The following TAF4B variants were observed in gnomAD, a reference collection of about 807,000 sequenced individuals.
TAF4B encodes transcription initiation factor TFIID subunit 4B.
A neutral mutation model predicts 86.4 loss-of-function variants in TAF4B; 38 were observed. That is an observed-to-expected ratio of 0.44 (90% CI 0.34 to 0.58). The LOEUF (loss-of-function observed/expected upper bound fraction) is 0.58. Ranked by LOEUF, TAF4B falls within the 20% of genes least tolerant of loss-of-function variation. The pLI, the probability that TAF4B is intolerant of heterozygous loss-of-function variation, is 0.02. For synonymous variants in TAF4B, 388 were observed against 391.2 expected (o/e 0.99, Z 0.10); for missense variants, 988 against 1,027.6 (o/e 0.96, Z 0.53).
At chr18:26,273,442 TG>T (rs1310433686) in intron 3 of TAF4B, among the ~76,000 whole-genome samples, 1 of 152,128 alleles carries the variant, frequency 6.6e-6, no homozygotes, top group Admixed American at 6.6e-5. Context: ...TGTCTGCTGT[TG>T]AAAAAAATAA....
At chr18:26,236,976 G>A (rs1175659362) in intron 1 of TAF4B, among the ~76,000 whole-genome samples, 3 of 152,146 alleles carry the variant, frequency 2.0e-5, no homozygotes, top group Non-Finnish European at 4.4e-5. Flanking sequence ...CTGGAGCAAG[G>A]CAGTAAGATT....
chr18:26,282,813 A>G (rs1004845527), intron 6 of TAF4B, among the ~76,000 whole-genome samples: 2 of 152,210 alleles, frequency 1.3e-5, no homozygotes, highest in Non-Finnish European at 2.9e-5. Flanking sequence ...TTTGTTAACT[A>G]GTTGTTGTCA....
In TAF4B at chr18:26,267,511, C is replaced by G. The variant is rs547376338; in HGVS notation, c.490-5C>G. ...TGTGTTATCTTGCTCCCCTCCACCGCCAAGAACTCTAGCTCACAATTAATC... is the reference window on the plus strand; with the variant it reads ...TGTGTTATCTTGCTCCCCTCCACCGGCAAGAACTCTAGCTCACAATTAATC... On this transcript the variant is annotated splice_region_variant and splice_polypyrimidine_tract_variant and intron_variant, in intron 2 of 14. Transcript: ENST00000269142. 3.0e-5 allele frequency: 48 copies of G among 1,611,722 alleles called. No homozygotes were observed. The South Asian group carries it at 5.1e-4, about 17-fold the overall frequency.
chr18:26,360,996 A>G (rs73946382), intron 14 of TAF4B, among the ~76,000 whole-genome samples: 2,128 of 152,252 alleles, frequency 0.014, 61 homozygotes, highest in African/African-American at 0.048. Context: ...AGTGGCCACT[A>G]TATTGGGCAG....
chr18:26,302,702 T>C (rs1470171512), intron 9 of TAF4B, among the ~76,000 whole-genome samples: 1 of 151,936 alleles, frequency 6.6e-6, no homozygotes, highest in Non-Finnish European at 1.5e-5. Context: ...TAAAATTTGG[T>C]TTTTGTTTTT....
intron 1 of TAF4B, among the ~76,000 whole-genome samples, chr18:26,260,080 T>G (rs1474255367): frequency 2.6e-5 from 4 of 152,184 alleles, no homozygotes; most frequent in Admixed American, 1.3e-4. Flanking sequence ...CATAAATGTC[T>G]TCTTTTGAGA....
chr18:26,364,185 A>G (rs2057352409), intron 14 of TAF4B, among the ~76,000 whole-genome samples: 1 of 152,176 alleles, frequency 6.6e-6, no homozygotes, highest in Non-Finnish European at 1.5e-5. Flanking sequence ...GAATAGCATC[A>G]GCTGCTATCT....
intron 13 of TAF4B, among the ~76,000 whole-genome samples, chr18:26,349,673 G>C (rs922588818): frequency 6.6e-6 from 1 of 152,094 alleles, no homozygotes; most frequent in Non-Finnish European, 1.5e-5. Context: ...AAAATACCAA[G>C]GACATTCTTC....
intron 1 of TAF4B, among the ~76,000 whole-genome samples, chr18:26,240,979 G>A (rs531581732): frequency 3.4e-4 from 52 of 152,244 alleles, no homozygotes; most frequent in African/African-American, 9.6e-4. Flanking sequence ...TGCTGGATTC[G>A]GTTTGCCAGT....
chr18:26,349,535 T>G lies in TAF4B; in HGVS notation c.2317-8155T>G, dbSNP rs988053704. Among the ~76,000 whole-genome samples the G allele has an allele frequency of 4.6e-5, 7 of 152,174 alleles. No individual in the cohort carries two copies. In the South Asian group the frequency reaches 1.5e-3, roughly 32 times the overall value. ...CTCTGCAAGGAAAATTATAAAACGCTAATGAAAGAAACTGAAGAAGATACA... is the reference window on the plus strand; with the variant it reads ...CTCTGCAAGGAAAATTATAAAACGCGAATGAAAGAAACTGAAGAAGATACA... On this transcript the variant is annotated intron_variant, in intron 13 of 14. Transcript: ENST00000269142.
At chr18:26,336,943 G>A (rs929168451) in intron 13 of TAF4B, among the ~76,000 whole-genome samples, 1 of 152,012 alleles carries the variant, frequency 6.6e-6, no homozygotes, top group Non-Finnish European at 1.5e-5. Context: ...TTTTATTTTA[G>A]TATGTTGTTT....
Position 26,226,971 on chromosome 18 carries a change from C to T in TAF4B, c.38C>T (p.Pro13Leu), listed in dbSNP as rs533154529. Residue 13 changes from proline to leucine, a missense_variant, in exon 1 of 15, where the codon CCC (proline) becomes CTC (leucine). Pro to Leu is a moderately conservative substitution (Grantham distance 98). Transcript: ENST00000269142. ...AGLTEPAGAA[P>L]PAAVSASGTV... ...CTCACCGAACCCGCCGGCGCCGCTC[C>T]CCCGGCTGCTGTGAGCGCCTCGGGG... is the stretch of plus-strand genomic sequence containing the variant. 5 of 1,387,530 alleles carry T rather than the reference C, an allele frequency of 3.6e-6. No individual in the cohort carries two copies. In the South Asian group the frequency reaches 4.8e-5, roughly 13 times the overall value. 86.0% of individuals were successfully genotyped at this position (1,387,530 alleles called of 1,614,324 possible). A position where few individuals can be genotyped will look rare whatever the true frequency, so the allele number is the denominator to read the frequency against.
chr18:26,230,233 G>T (rs1464755129), intron 1 of TAF4B, among the ~76,000 whole-genome samples: 2 of 152,076 alleles, frequency 1.3e-5, no homozygotes, highest in African/African-American at 4.8e-5. Flanking sequence ...TCATAAACTG[G>T]GATAAATTCT....
chr18:26,311,554 G>C (rs2056854086), intron 9 of TAF4B, among the ~76,000 whole-genome samples: 1 of 152,134 alleles, frequency 6.6e-6, no homozygotes, highest in African/African-American at 2.4e-5. Flanking sequence ...CCAGGTGGTG[G>C]AGGTTGCAGT....
chr18:26,244,556 C>T (rs963880493), intron 1 of TAF4B, among the ~76,000 whole-genome samples: 1 of 152,178 alleles, frequency 6.6e-6, no homozygotes, highest in Non-Finnish European at 1.5e-5. Context: ...AGCTTTGGCT[C>T]ACACTCCGTG....
chr18:26,328,877 A>G (rs183804605), intron 12 of TAF4B, among the ~76,000 whole-genome samples: 1 of 151,842 alleles, frequency 6.6e-6, no homozygotes, highest in East Asian at 1.9e-4. Context: ...CAGCCTCCCA[A>G]AGTTCTGGGA....
rs941860629 is a variant in TAF4B, at chr18:26,295,027, T to C, written c.1832+1496T>C. 2.0e-5 allele frequency among the ~76,000 whole-genome samples: 3 copies of C among 148,966 alleles called. No homozygotes were observed. In the East Asian group the frequency reaches 5.8e-4, roughly 29 times the overall value. ...ATGAATAAACATGCCACAAGGAAAA[T>C]ATTTCCAAATTGTTTATCTGGCAAA... On this transcript the variant is annotated intron_variant, in intron 9 of 14. Transcript: ENST00000269142.
At chr18:26,257,796 G>T (rs532611049) in intron 1 of TAF4B, among the ~76,000 whole-genome samples, 8 of 151,846 alleles carry the variant, frequency 5.3e-5, no homozygotes, top group Admixed American at 3.3e-4. Flanking sequence ...GTGAGACAGA[G>T]AAGCCCTTTC....
rs2056870762 is a variant in TAF4B, at chr18:26,313,340, C to G, written c.1833-1889C>G. ...TTTTTTTACTCAGATTTTGGTCCAT[C>G]TTTAGGCTTATGATTCCTTACATTC... On this transcript the variant is annotated intron_variant, in intron 9 of 14. Transcript: ENST00000269142. Among the ~76,000 whole-genome samples, 11 of 152,138 alleles carry G rather than the reference C, an allele frequency of 7.2e-5. No homozygotes were observed. In the South Asian group the frequency reaches 2.1e-3, roughly 29 times the overall value.
Sources: gnomAD v4.1 joint callset for allele counts (sites outside exome capture counted in the v4.1 genomes callset) on GRCh38, gnomAD v4.1.1 for gene constraint, MANE v1.5 for transcripts, NCBI Gene and HGNC (gene_info 2026-07-23, HGNC 2026-07-21) for gene names.